Variants in RPP30 observed in about 807,000 individuals in gnomAD.
RPP30 encodes ribonuclease P protein subunit p30.
In RPP30, 36 loss-of-function variants were observed where a neutral mutation model predicts 38.6. The observed-to-expected ratio is 0.93, with a 90% CI of 0.71 to 1.23. The LOEUF (loss-of-function observed/expected upper bound fraction) is 1.23. Among genes scored for constraint, RPP30 ranks in the 50% most tolerant of loss-of-function variants. The probability of loss-of-function intolerance (pLI) is 0.00; values close to 1 mark genes in which losing one functional copy is unlikely to be tolerated. For missense variants in RPP30, 321 were observed against 321.7 expected (o/e 1.00, Z 0.02); for synonymous variants, 126 against 112.7 (o/e 1.12, Z -0.75).
downstream of RPP30, among the ~76,000 whole-genome samples, chr10:90,906,932 A>G (rs1000341638): frequency 7.2e-5 from 11 of 152,180 alleles, no homozygotes; most frequent in Middle Eastern, 6.8e-3. Flanking sequence ...AAAATTGACT[A>G]TGTGATTAAA....
At chr10:90,900,286 G>A (rs574616221) in intron 10 of RPP30, among the ~76,000 whole-genome samples, 4 of 152,332 alleles carry the variant, frequency 2.6e-5, no homozygotes, top group African/African-American at 9.6e-5. Flanking sequence ...GTCTGTGACT[G>A]GGTTCTGGCT....
Position 90,901,870 on chromosome 10 carries a change from G to C in RPP30, c.*1191G>C. ...GTCTCGCTCTGTCCCCCAGGCTGGA[G>C]TGCAGTGGCTCGATCTCTGCTCACT... On this transcript the variant is annotated 3_prime_UTR_variant, in exon 11 of 11. Coordinates refer to ENST00000371703, the MANE Select transcript of RPP30 (RefSeq NM_006413.5). 3 of 772,792 alleles carry C rather than the reference G, an allele frequency of 3.9e-6. No homozygotes were observed. Among genetic ancestry groups the C allele is most frequent in the Non-Finnish European group, 4.7e-6 (3 of 638,984 alleles). 47.9% of individuals were successfully genotyped at this position (772,792 alleles called of 1,614,324 possible). A position where few individuals can be genotyped will look rare whatever the true frequency, so the allele number is the denominator to read the frequency against.
At position 90,895,745 on chromosome 10, in the gene RPP30, C is replaced by T. The variant is rs1589501385; in HGVS notation, c.580-135C>T. On this transcript the variant is annotated intron_variant, in intron 8 of 10. Coordinates refer to ENST00000371703, the MANE Select transcript of RPP30 (RefSeq NM_006413.5). ...TTATATTTTCAAAAGCTATGAAACCCATCAAAATTATAAGGACTTAAATTT... is the reference window on the plus strand; with the variant it reads ...TTATATTTTCAAAAGCTATGAAACCTATCAAAATTATAAGGACTTAAATTT... The T allele has an allele frequency of 1.1e-5, 7 of 649,602 alleles. No individual in the cohort carries two copies. In the East Asian group the frequency reaches 2.2e-4, roughly 20 times the overall value. The allele number at this position is 649,602 out of a possible 1,614,324, so 40.2% of individuals were successfully genotyped here.
chr10:90,886,282 A>AGAGAGTC (rs1252138526), intron 6 of RPP30, among the ~76,000 whole-genome samples: 1 of 152,198 alleles, frequency 6.6e-6, no homozygotes, highest in East Asian at 1.9e-4. Flanking sequence ...AGGAAGCTAA[A>AGAGAGTC]GAGAGTCAAG....
rs556951258 is a variant in RPP30 at position 90,887,557 on chromosome 10, A to G, written c.432+1656A>G. On this transcript the variant is annotated intron_variant, in intron 6 of 10. Transcript: ENST00000371703. ...ACCACCATGTCCGGCTAATTTTTGT[A>G]TTTCTTTTTAGTAGAGATGGGGTTT... 1.5e-4 allele frequency among the ~76,000 whole-genome samples: 23 copies of G among 150,768 alleles called. 1 individual carries two copies. The highest frequency in any genetic ancestry group is 5.4e-4 in the African/African-American group (22 of 41,078).
chr10:90,888,016 G>A (rs1847023362), intron 6 of RPP30, among the ~76,000 whole-genome samples: 1 of 152,096 alleles, frequency 6.6e-6, no homozygotes, highest in Non-Finnish European at 1.5e-5. Flanking sequence ...CAGTCTTGTT[G>A]GCCTCACATA....
intron 5 of RPP30, among the ~76,000 whole-genome samples, chr10:90,883,698 G>C (rs1309041612): frequency 1.3e-5 from 2 of 152,186 alleles, no homozygotes; most frequent in Non-Finnish European, 2.9e-5. Context: ...CAATGTGTAA[G>C]TAAAAAGTAA....
chr10:90,890,573 G>T (rs1469039980), intron 6 of RPP30, among the ~76,000 whole-genome samples: 3 of 151,998 alleles, frequency 2.0e-5, no homozygotes, highest in Non-Finnish European at 4.4e-5. Context: ...ACTTGATTTG[G>T]ATGTGAGTGT....
At chr10:90,874,737 A>G in intron 1 of RPP30, 132 bp from the exon 2 acceptor site, 1 of 478,034 alleles carries the variant, frequency 2.1e-6, no homozygotes, top group Non-Finnish European at 3.8e-6. Flanking sequence ...AGGCAGACTG[A>G]CACTAGAGTT....
chr10:90,885,793 A>AT lies in RPP30; in HGVS notation c.343-12dup. ...GCCAATTTTCCTTTTGGCCTTACCT[A>AT]TTTTTTTCTTCTTTACAGATTGCTT... On this transcript the variant is annotated intron_variant, in intron 5 of 10. Transcript: ENST00000371703. 6.3e-7 allele frequency: 1 copy of AT among 1,577,428 alleles called. No homozygotes were observed. Among genetic ancestry groups the AT allele is most frequent in the South Asian group, 1.1e-5 (1 of 89,380 alleles).
intron 6 of RPP30, among the ~76,000 whole-genome samples, chr10:90,890,382 C>G (rs866452000): frequency 3.3e-5 from 5 of 152,110 alleles, no homozygotes; most frequent in Non-Finnish European, 7.3e-5. Context: ...ACAATGACTT[C>G]AAGCTTATTG....
chr10:90,873,729 TA>T (rs752593490), intron 1 of RPP30, among the ~76,000 whole-genome samples: 2 of 152,026 alleles, frequency 1.3e-5, no homozygotes, highest in African/African-American at 2.4e-5. Flanking sequence ...GGGAGTGTGG[TA>T]AAGAAGAATA....
chr10:90,901,699 T>C lies in RPP30; in HGVS notation c.*1020T>C. On this transcript the variant is annotated 3_prime_UTR_variant, in exon 11 of 11. Coordinates refer to ENST00000371703, the MANE Select transcript of RPP30 (RefSeq NM_006413.5). ...AGAAGTAGCTTTTTATGCAAATACATGCATTTATGCAATATTAATGTAAGG... is the reference window on the plus strand; with the variant it reads ...AGAAGTAGCTTTTTATGCAAATACACGCATTTATGCAATATTAATGTAAGG... The C allele has an allele frequency of 3.0e-6, 3 of 984,030 alleles. No homozygotes were observed. In the South Asian group the frequency reaches 1.4e-4, roughly 46 times the overall value. The allele number at this position is 984,030 out of a possible 1,614,324, so 61.0% of individuals were successfully genotyped here.
In RPP30 at chr10:90,888,140, T is replaced by G. The variant is rs1433388254; in HGVS notation, c.432+2239T>G. 2.0e-5 allele frequency among the ~76,000 whole-genome samples: 3 copies of G among 152,256 alleles called. 1 individual carries two copies. In the South Asian group the frequency reaches 6.2e-4, roughly 31 times the overall value. On this transcript the variant is annotated intron_variant, in intron 6 of 10. Transcript: ENST00000371703. ...AAGTAGCACCCCCAGAGTTGGGCAC[T>G]ATAGCTACTCAGCAAATTGCTAGTG...
chr10:90,900,716 C>A lies in RPP30; in HGVS notation c.*37C>A. 6.3e-7 allele frequency: 1 copy of A among 1,595,530 alleles called. No individual in the cohort carries two copies. The highest frequency in any genetic ancestry group is 8.5e-7 in the Non-Finnish European group (1 of 1,173,234). On this transcript the variant is annotated 3_prime_UTR_variant, in exon 11 of 11. Transcript: ENST00000371703. ...CAGTCTCTGTCAGCACTCCCTTCTT[C>A]CCTTTTATAGTTCATCAGCCACAAC...
chr10:90,878,510 G>A (rs1266917591), intron 4 of RPP30, among the ~76,000 whole-genome samples: 2 of 131,388 alleles, frequency 1.5e-5, no homozygotes, highest in South Asian at 2.4e-4. Context: ...TTTTTTTTTT[G>A]AGATGAGGTC....
chr10:90,888,981 G>A (rs1324548428), intron 6 of RPP30, among the ~76,000 whole-genome samples: 2 of 152,120 alleles, frequency 1.3e-5, no homozygotes, highest in Admixed American at 1.3e-4. Flanking sequence ...AGAGTAGGCT[G>A]CACTGTGAAT....
downstream of RPP30, among the ~76,000 whole-genome samples, chr10:90,905,088 A>T (rs1431679737): frequency 6.6e-6 from 1 of 152,196 alleles, no homozygotes. Context: ...AGTTTGATTG[A>T]TTTGTCTCTA....
intron 6 of RPP30, among the ~76,000 whole-genome samples, chr10:90,894,289 T>C (rs1847114861): frequency 6.6e-6 from 1 of 152,232 alleles, no homozygotes; most frequent in Non-Finnish European, 1.5e-5. Flanking sequence ...CTTCAACATA[T>C]AGAGAATAAA....
Sources: gnomAD v4.1 joint callset for allele counts (sites outside exome capture counted in the v4.1 genomes callset) on GRCh38, gnomAD v4.1.1 for gene constraint, MANE v1.5 for transcripts, NCBI Gene and HGNC (gene_info 2026-07-23, HGNC 2026-07-21) for gene names.